Variants in HDAC9 observed in about 807,000 individuals in gnomAD.
The protein encoded by HDAC9 is histone deacetylase 9, also known as MEF-2 interacting transcription repressor (MITR) protein.
Under a neutral mutation model 139.4 loss-of-function variants are expected in HDAC9, and 41 were observed. The ratio of observed to expected loss-of-function variants is 0.29; its 90% CI spans 0.23 to 0.38. HDAC9 has a LOEUF of 0.38. Among genes scored for constraint, HDAC9 ranks in the 10% least tolerant of loss-of-function variants. The pLI, the probability that HDAC9 is intolerant of heterozygous loss-of-function variation, is 1.00. For missense variants in HDAC9, 1,147 were observed against 1,297.0 expected (o/e 0.88, Z 1.78); for synonymous variants, 517 against 476.2 (o/e 1.09, Z -1.12).
chr7:18,618,140 A>T (rs1839177714), intron 6 of HDAC9, among the ~76,000 whole-genome samples: 1 of 152,208 alleles, frequency 6.6e-6, no homozygotes, highest in Non-Finnish European at 1.5e-5. Flanking sequence ...ATATATTTGA[A>T]GAAGATAATT....
chr7:18,617,472 C>A (rs909198161), intron 6 of HDAC9, among the ~76,000 whole-genome samples: 3 of 151,952 alleles, frequency 2.0e-5, no homozygotes, highest in African/African-American at 2.4e-5. Flanking sequence ...TCCAGATGCT[C>A]CTTGCTCTTA....
chr7:18,176,126 A>G (rs1374801001), intron 2 of HDAC9, among the ~76,000 whole-genome samples: 5 of 152,230 alleles, frequency 3.3e-5, no homozygotes, highest in Non-Finnish European at 7.3e-5. Flanking sequence ...TCAAAATGAC[A>G]TTATTCATGA....
chr7:18,118,651 G>A (rs1668480582), intron 1 of HDAC9, among the ~76,000 whole-genome samples: 1 of 152,108 alleles, frequency 6.6e-6, no homozygotes, highest in African/African-American at 2.4e-5. Flanking sequence ...CTATCAGATG[G>A]GTGATATTAT....
chr7:18,995,534 C>T (rs1365752416), intron 25 of HDAC9, among the ~76,000 whole-genome samples: 2 of 152,196 alleles, frequency 1.3e-5, no homozygotes, highest in Admixed American at 6.5e-5. Context: ...ATTTGCTAAT[C>T]AAATTCAGAA....
chr7:18,345,084 G>T (rs1306466410), intron 1 of HDAC9, among the ~76,000 whole-genome samples: 1 of 151,946 alleles, frequency 6.6e-6, no homozygotes, highest in African/African-American at 2.4e-5. Flanking sequence ...TGTAATGAGT[G>T]AAATAACCAG....
intron 13 of HDAC9, among the ~76,000 whole-genome samples, chr7:18,740,767 G>T (rs919448513): frequency 6.6e-6 from 1 of 152,208 alleles, no homozygotes; most frequent in Non-Finnish European, 1.5e-5. Context: ...GGCCTCTTGT[G>T]CTGGTTACCC....
intron 1 of HDAC9, among the ~76,000 whole-genome samples, chr7:18,151,507 G>A (rs1019945307): frequency 1.3e-5 from 2 of 152,170 alleles, no homozygotes; most frequent in African/African-American, 4.8e-5. Context: ...CCTGGAGCAG[G>A]TGAATGTCTT....
chr7:18,349,169 G>GT (rs1782654962), intron 1 of HDAC9, among the ~76,000 whole-genome samples: 1 of 151,934 alleles, frequency 6.6e-6, no homozygotes, highest in Admixed American at 6.6e-5. Flanking sequence ...GCACTGCACC[G>GT]TATGTCTTTC....
chr7:18,940,607 G>T (rs1188965869), intron 23 of HDAC9, among the ~76,000 whole-genome samples: 2 of 152,114 alleles, frequency 1.3e-5, no homozygotes, highest in Non-Finnish European at 2.9e-5. Flanking sequence ...AGGCATTAGG[G>T]ATACTTGTGT....
chr7:18,377,409 C>T (rs1405240257), intron 1 of HDAC9, among the ~76,000 whole-genome samples: 1 of 152,066 alleles, frequency 6.6e-6, no homozygotes, highest in Admixed American at 6.6e-5. Context: ...GTTTTATGTA[C>T]AAAATGTTGT....
intron 8 of HDAC9, among the ~76,000 whole-genome samples, chr7:18,638,653 TTTG>T (rs1470634898): frequency 4.6e-5 from 7 of 152,034 alleles, no homozygotes; most frequent in Admixed American, 4.6e-4. Flanking sequence ...AAGTTCATTT[TTTG>T]TTGTTATTAT....
At chr7:18,922,083 T>TGGGGGGG (rs527469781) in intron 22 of HDAC9, among the ~76,000 whole-genome samples, 5 of 76,278 alleles carry the variant, frequency 6.6e-5, no homozygotes, top group African/African-American at 1.2e-4. Context: ...TGTTGTGGGG[T>TGGGGGGG]GGGGGGAGGG....
intron 1 of HDAC9, among the ~76,000 whole-genome samples, chr7:18,484,659 T>A (rs1466207162): frequency 4.6e-5 from 7 of 152,088 alleles, no homozygotes; most frequent in Non-Finnish European, 4.4e-5. Context: ...AGGCCTCGGT[T>A]TTTGAAGTCA....
chr7:18,669,128 A>T (rs1262857278), intron 12 of HDAC9, among the ~76,000 whole-genome samples: 1 of 151,684 alleles, frequency 6.6e-6, no homozygotes, highest in African/African-American at 2.4e-5. Context: ...CATGTTTGGT[A>T]TTTAAATTAA....
At chr7:18,746,732 G>A (rs1053419672) in intron 13 of HDAC9, among the ~76,000 whole-genome samples, 2 of 151,984 alleles carry the variant, frequency 1.3e-5, no homozygotes, top group Admixed American at 6.6e-5. Flanking sequence ...TTTGAGGACC[G>A]GCTTTATTTA....
intron 12 of HDAC9, among the ~76,000 whole-genome samples, chr7:18,673,708 T>C (rs1018132008): frequency 6.6e-6 from 1 of 152,062 alleles, no homozygotes; most frequent in Non-Finnish European, 1.5e-5. Context: ...TGTTAATTGA[T>C]AGATCTCATC....
At chr7:18,215,203 C>T (rs1409739391) in intron 2 of HDAC9, among the ~76,000 whole-genome samples, 2 of 152,044 alleles carry the variant, frequency 1.3e-5, no homozygotes, top group East Asian at 1.9e-4. Context: ...CAGAGTTGTA[C>T]GCAAGATCTA....
At chr7:18,876,837 G>C (rs550932335) in intron 22 of HDAC9, among the ~76,000 whole-genome samples, 1 of 151,828 alleles carries the variant, frequency 6.6e-6, no homozygotes, top group East Asian at 1.9e-4. Flanking sequence ...CTAGTAGCTG[G>C]GATTACAGGC....
chr7:18,903,301 T>C (rs1343847024), intron 22 of HDAC9, among the ~76,000 whole-genome samples: 2 of 152,248 alleles, frequency 1.3e-5, no homozygotes, highest in South Asian at 2.1e-4. Context: ...TTGTAAAACA[T>C]AGATGACAAC....
Sources: allele counts gnomAD v4.1 joint callset (sites outside exome capture counted in the v4.1 genomes callset), GRCh38; gene constraint gnomAD v4.1.1; transcripts MANE v1.5; gene names NCBI Gene and HGNC (gene_info 2026-07-23, HGNC 2026-07-21).